The following BRD3 variants were observed in gnomAD, a reference collection of about 807,000 sequenced individuals.
BRD3 encodes bromodomain containing 3, also known as bromodomain-containing protein 3.
Under a neutral mutation model 66.8 loss-of-function variants are expected in BRD3, and 17 were observed. That is an observed-to-expected ratio of 0.25 (90% CI 0.17 to 0.38). The LOEUF (loss-of-function observed/expected upper bound fraction) is 0.38. BRD3 is among the 10% of genes least tolerant of loss of function. The pLI, the probability that BRD3 is intolerant of heterozygous loss-of-function variation, is 1.00. For synonymous variants in BRD3, 421 were observed against 393.2 expected (o/e 1.07, Z -0.84); for missense variants, 713 against 956.1 (o/e 0.75, Z 3.35).
At chr9:134,062,957 A>C (rs943637895) in intron 1 of BRD3, among the ~76,000 whole-genome samples, 1 of 152,120 alleles carries the variant, frequency 6.6e-6, no homozygotes, top group African/African-American at 2.4e-5. Context: ...ACTTCCTAAA[A>C]CAAAGCTGCG....
intron 1 of BRD3, 165 bp from the exon 2 acceptor site, chr9:134,053,755 G>T: frequency 3.5e-6 from 2 of 575,774 alleles, no homozygotes; most frequent in Non-Finnish European, 5.8e-6. Flanking sequence ...TGTCGGGAAA[G>T]CTGCTCAGGC....
At chr9:134,052,194 G>A in intron 3 of BRD3, 112 bp downstream of exon 3, 2 of 1,383,698 alleles carry the variant, frequency 1.4e-6, no homozygotes, top group Non-Finnish European at 1.9e-6. Context: ...CACCCAGCCA[G>A]GTGAAGCGCT....
In BRD3 at chr9:134,053,534, C is replaced by A; in HGVS notation, c.-57G>T. On this transcript the variant is annotated 5_prime_UTR_variant, in exon 2 of 12. Transcript: ENST00000303407. The stretch of plus-strand genomic sequence containing the variant: ...CAGCGGCTTGGAGAGGCCCTGGCTG[C>A]TTCTACGCTCCCTGAGAAAGCGCGA... 1 of 1,485,692 alleles carries A rather than the reference C, an allele frequency of 6.7e-7. No homozygotes were observed. Among genetic ancestry groups the A allele is most frequent in the Admixed American group, 2.3e-5 (1 of 44,132 alleles). 92.0% of individuals were successfully genotyped at this position (1,485,692 alleles called of 1,614,324 possible).
At position 134,048,380 on chromosome 9, in the gene BRD3, C is replaced by T. The variant is rs199892644; in HGVS notation, c.789G>A (p.Ser263=). The change falls in exon 6 of 12, where the codon TCG becomes TCA. Residue 263 remains serine, a synonymous_variant. Coordinates refer to ENST00000303407, the MANE Select transcript of BRD3 (RefSeq NM_007371.4). The part of the protein sequence containing the change: ...TSAITASRSE[S]PPPLSDPKQA... ...GCTTGGGGTCTGACAACGGCGGGGGCGACTCACTCCGGCTGGCAGTGATGG... is the reference window on the plus strand; with the variant it reads ...GCTTGGGGTCTGACAACGGCGGGGGTGACTCACTCCGGCTGGCAGTGATGG... 209 of 1,598,000 alleles carry T rather than the reference C, an allele frequency of 1.3e-4. No individual in the cohort carries two copies. The East Asian group carries it at 2.7e-3, about 21-fold the overall frequency.
chr9:134,053,373 C>T lies in BRD3; in HGVS notation c.105G>A (p.Lys35=). 6.2e-7 allele frequency: 1 copy of T among 1,610,756 alleles called. No homozygotes were observed. The highest frequency in any genetic ancestry group is 8.5e-7 in the Non-Finnish European group (1 of 1,178,972). Reference sequence around the variant, plus strand: ...TCTGCATGTACTGCAGCTGGTTGGTCTTGCGGCCGGGCTTGCTGGGGTTGG... The same window carrying T: ...TCTGCATGTACTGCAGCTGGTTGGTTTTGCGGCCGGGCTTGCTGGGGTTGG... ...EVSNPSKPGR[K]TNQLQYMQNV... Residue 35 remains lysine, a synonymous_variant, in exon 2 of 12, where the codon AAG becomes AAA. Coordinates refer to ENST00000303407, the MANE Select transcript of BRD3 (RefSeq NM_007371.4).
intron 1 of BRD3, chr9:134,053,880 G>A (rs1419708749): frequency 8.8e-6 from 2 of 226,520 alleles, no homozygotes; most frequent in Admixed American, 5.3e-5. Context: ...TGGGGGCTTG[G>A]GGAACACACT....
At chr9:134,058,093 G>A (rs1830462489) in intron 1 of BRD3, 1 of 152,330 alleles carries the variant, frequency 6.6e-6, no homozygotes, top group Admixed American at 6.5e-5. Flanking sequence ...GTGAAGAGAT[G>A]GTTTGTGCTG....
intron 10 of BRD3, among the ~76,000 whole-genome samples, chr9:134,035,346 C>T (rs558635301): frequency 1.3e-5 from 2 of 152,312 alleles, no homozygotes; most frequent in African/African-American, 4.8e-5. Flanking sequence ...GCAAGTGAGG[C>T]CCATGCACAC....
At chr9:134,042,021 G>A in intron 7 of BRD3, 70 bp from the exon 8 acceptor site, 3 of 1,443,020 alleles carry the variant, frequency 2.1e-6, no homozygotes, top group Non-Finnish European at 2.8e-6. Context: ...TGGGCCCTCA[G>A]GGTTTCTGAG....
At chr9:134,062,151 TC>T (rs757753107) in intron 1 of BRD3, among the ~76,000 whole-genome samples, 2 of 152,120 alleles carry the variant, frequency 1.3e-5, no homozygotes, top group African/African-American at 4.8e-5. Flanking sequence ...CAGCTGGGCA[TC>T]GTGGGCCCCA....
rs147967602 is a variant in BRD3 at position 134,045,549 on chromosome 9, G to A, written c.1087-128C>T. On this transcript the variant is annotated intron_variant, in intron 6 of 11. Transcript: ENST00000303407. The surrounding 1 kb of genome is among the most constrained non-coding windows in gnomAD (Gnocchi z 4.8). ...GCTCCAGGGCAGTGCCTACTGGCCT[G>A]GCCGGCAGGACACCCCAGCTCTCTG... The A allele has an allele frequency of 6.2e-5, 86 of 1,381,358 alleles. No individual in the cohort carries two copies. The African/African-American group carries it at 9.9e-4, about 16-fold the overall frequency. 85.6% of individuals were successfully genotyped at this position (1,381,358 alleles called of 1,614,324 possible). A position where few individuals can be genotyped will look rare whatever the true frequency, so the allele number is the denominator to read the frequency against.
chr9:134,033,418 A>G lies in BRD3; in HGVS notation c.*172T>C, dbSNP rs200488233. The stretch of plus-strand genomic sequence containing the variant: ...CACCTTCTCATCAAGTCTAACGCAC[A>G]CACAAGATAGATCTCTGACCTATGA... On this transcript the variant is annotated 3_prime_UTR_variant, in exon 12 of 12. Coordinates refer to ENST00000303407, the MANE Select transcript of BRD3 (RefSeq NM_007371.4). This position sits in a 1 kb window ranked among gnomAD's most constrained non-coding sequence, Gnocchi z 5.1. 3.3e-5 allele frequency: 18 copies of G among 549,430 alleles called. No homozygotes were observed. In the African/African-American group the frequency reaches 3.4e-4, roughly 11 times the overall value. The allele number at this position is 549,430 out of a possible 1,614,324, so 34.0% of individuals were successfully genotyped here. A position where few individuals can be genotyped will look rare whatever the true frequency, so the allele number is the denominator to read the frequency against.
chr9:134,034,404 C>A (rs928939125), intron 11 of BRD3: 6 of 347,344 alleles, frequency 1.7e-5, no homozygotes, highest in Non-Finnish European at 3.2e-5. Context: ...ACTGGCTGGG[C>A]TGCCCAGTCC....
In BRD3 at chr9:134,032,128, T is replaced by A; in HGVS notation, c.*1462A>T. Reference sequence around the variant, plus strand: ...CCGCCATGCTCATTGGTGGGCCAGTTTGGGACATCCCCGTACTCAAAGACC... The same window carrying A: ...CCGCCATGCTCATTGGTGGGCCAGTATGGGACATCCCCGTACTCAAAGACC... On this transcript the variant is annotated 3_prime_UTR_variant, in exon 12 of 12. Coordinates refer to ENST00000303407, the MANE Select transcript of BRD3 (RefSeq NM_007371.4). 9.2e-6 allele frequency: 2 copies of A among 217,872 alleles called. No individual in the cohort carries two copies. The highest frequency in any genetic ancestry group is 6.8e-5 in the East Asian group (1 of 14,730). The allele number at this position is 217,872 out of a possible 1,614,324, so 13.5% of individuals were successfully genotyped here. A position where few individuals can be genotyped will look rare whatever the true frequency, so the allele number is the denominator to read the frequency against.
intron 7 of BRD3, among the ~76,000 whole-genome samples, chr9:134,043,774 T>G (rs1007985295): frequency 3.9e-5 from 6 of 152,200 alleles, no homozygotes; most frequent in African/African-American, 1.2e-4. Context: ...CACTGCAGTC[T>G]CCAACGCCCG....
intron 5 of BRD3, 132 bp downstream of exon 5, chr9:134,050,242 G>A (rs1830260198): frequency 8.8e-6 from 7 of 791,960 alleles, no homozygotes; most frequent in Non-Finnish European, 1.4e-5. Context: ...AGCTCCCAGG[G>A]CGCAGAGAGA....
intron 7 of BRD3, among the ~76,000 whole-genome samples, chr9:134,042,852 T>C (rs1830090999): frequency 6.6e-6 from 1 of 151,854 alleles, no homozygotes; most frequent in Admixed American, 6.6e-5. Context: ...ATTTTCTTTT[T>C]CTCTCAAGAC....
chr9:134,052,473 A>G (rs1209166263), intron 2 of BRD3, 30 bp from the exon 3 acceptor site: 2 of 1,586,546 alleles, frequency 1.3e-6, no homozygotes, highest in African/African-American at 1.3e-5. Context: ...AGGCATTACC[A>G]GAAGATTCTA....
rs545466382 is a variant in BRD3, at chr9:134,030,537, G to A, written c.*3053C>T. 2 of 209,426 alleles carry A rather than the reference G, an allele frequency of 9.5e-6. No individual in the cohort carries two copies. The highest frequency in any genetic ancestry group is 1.9e-4 in the South Asian group (1 of 5,282). 13.0% of individuals were successfully genotyped at this position (209,426 alleles called of 1,614,324 possible). A position where few individuals can be genotyped will look rare whatever the true frequency, so the allele number is the denominator to read the frequency against. On this transcript the variant is annotated 3_prime_UTR_variant, in exon 12 of 12. Transcript: ENST00000303407. ...CACTAAAAAGTTTAAGAAAAGTTACGGTAAACTTGCATGCACATCATACAG... is the reference window on the plus strand; with the variant it reads ...CACTAAAAAGTTTAAGAAAAGTTACAGTAAACTTGCATGCACATCATACAG...
Sources: gnomAD v4.1 joint callset for allele counts (sites outside exome capture counted in the v4.1 genomes callset) on GRCh38, gnomAD v4.1.1 for gene constraint, Gnocchi (gnomAD v3.1) non-coding constraint, MANE v1.5 for transcripts, NCBI Gene and HGNC (gene_info 2026-07-23, HGNC 2026-07-21) for gene names.